Variants in RPS17 observed in about 807,000 individuals in gnomAD.
The protein encoded by RPS17 is small ribosomal subunit protein eS17.
For synonymous variants in RPS17, 75 were observed against 65.6 expected (o/e 1.14, Z -0.70); for missense variants, 68 against 182.3 (o/e 0.37, Z 3.61).
chr15:82,536,967 C>T, intron 4 of RPS17, 86 bp from the exon 5 acceptor site: 1 of 1,531,700 alleles, frequency 6.5e-7, no homozygotes, highest in South Asian at 1.1e-5. Flanking sequence ...CCTAGAGCCA[C>T]AGCACTCTCA....
At chr15:82,539,227 T>TCCCCCCCCCC in intron 2 of RPS17, 35 of 605,676 alleles carry the variant, frequency 5.8e-5, no homozygotes, top group South Asian at 1.2e-4. Flanking sequence ...CACCCCCAAC[T>TCCCCCCCCCC]CGCCCCGCCC....
Position 82,538,391 on chromosome 15 carries a change from G to A in RPS17, c.262-20C>T, listed in dbSNP as rs2034277388. On this transcript the variant is annotated intron_variant, in intron 3 of 4. Coordinates refer to ENST00000647841, the MANE Select transcript of RPS17 (RefSeq NM_001021.6). ...TGAGACCTACAAGGAAACGAGGTAG[G>A]GTCAAAATACCAATCAATGAGATTA... 3 of 1,611,436 alleles carry A rather than the reference G, an allele frequency of 1.9e-6. No homozygotes were observed. The highest frequency in any genetic ancestry group is 2.5e-6 in the Non-Finnish European group (3 of 1,179,470).
rs763087945 is a variant in RPS17, at chr15:82,540,442, T to C, written c.-14A>G. 5.3e-5 allele frequency: 85 copies of C among 1,592,546 alleles called. No homozygotes were observed. The highest frequency in any genetic ancestry group is 6.8e-5 in the Non-Finnish European group (80 of 1,170,948). ...AACACCTACCATGTTGGCGGGTCCT[T>C]GGTAAAAGAGGAAACAGGAAGCACA... On this transcript the variant is annotated 5_prime_UTR_variant, in exon 1 of 5. Transcript: ENST00000647841.
At chr15:82,539,952 C>T in intron 2 of RPS17, 29 bp downstream of exon 2, 2 of 1,611,998 alleles carry the variant, frequency 1.2e-6, no homozygotes, top group Middle Eastern at 2.3e-4. Flanking sequence ...GATCGCGGAG[C>T]CCCGGAGGCC....
chr15:82,537,431 A>T (rs1256621512), intron 4 of RPS17: 1 of 268,154 alleles, frequency 3.7e-6, no homozygotes, highest in Non-Finnish European at 7.2e-6. Context: ...GCTATTACTA[A>T]TCTAATCAAC....
At chr15:82,539,781 A>T in intron 2 of RPS17, 200 bp downstream of exon 2, 1 of 919,918 alleles carries the variant, frequency 1.1e-6, no homozygotes, top group Non-Finnish European at 1.8e-6. Context: ...CCTTCGACCC[A>T]GGGTCACCGC....
chr15:82,538,455 T>A, intron 3 of RPS17, 84 bp from the exon 4 acceptor site: 1 of 1,462,232 alleles, frequency 6.8e-7, no homozygotes, highest in Non-Finnish European at 9.6e-7. Context: ...GGTTCTTAAA[T>A]ATGGGGAAGA....
In RPS17 at chr15:82,539,966, G is replaced by A. The variant is rs2034316714; in HGVS notation, c.155+15C>T. ...AGATCGCGGAGCCCCGGAGGCCGAG[G>A]AAGGCCCGACTCACCCTGCTATCTT... On this transcript the variant is annotated intron_variant, in intron 2 of 4. Transcript: ENST00000647841. 4 of 1,611,954 alleles carry A rather than the reference G, an allele frequency of 2.5e-6. No homozygotes were observed. The highest frequency in any genetic ancestry group is 2.2e-5 in the South Asian group (2 of 90,994).
intron 2 of RPS17, 99 bp from the exon 3 acceptor site, chr15:82,539,084 T>C (rs1399736225): frequency 8.2e-7 from 1 of 1,214,550 alleles, no homozygotes; most frequent in East Asian, 2.3e-5. Context: ...CTTTAGTTCT[T>C]TTCCACAGTG....
intron 2 of RPS17, chr15:82,539,737 C>T: frequency 1.5e-6 from 1 of 655,564 alleles, no homozygotes; most frequent in Non-Finnish European, 2.7e-6. Context: ...CTAAAAGCAA[C>T]GTAGCTTCAA....
Position 82,540,052 on chromosome 15 carries a change from G to T in RPS17, c.84C>A (p.Phe28Leu). 6.2e-7 allele frequency: 1 copy of T among 1,612,814 alleles called. No individual in the cohort carries two copies. ...CCTCGCACACGCGCTTGTTCGTGTG[G>T]AAGTCGTTGCCCAGGCGCGTGTAGT... The part of the protein sequence containing the change: ...EKYYTRLGND[F>L]HTNKRVCEEI... The change falls in exon 2 of 5, where the codon TTC (phenylalanine) becomes TTA (leucine). Residue 28 changes from phenylalanine to leucine, a missense_variant. By Grantham distance (22) the Phe-to-Leu change is conservative. Transcript: ENST00000647841.
intron 4 of RPS17, chr15:82,538,073 G>C (rs2034272346): frequency 1.7e-6 from 1 of 584,624 alleles, no homozygotes; most frequent in East Asian, 3.9e-5. Flanking sequence ...GCAGCCAAGA[G>C]AGAAAAGGTG....
intron 2 of RPS17, 50 bp downstream of exon 2, chr15:82,539,931 G>A (rs1404961257): frequency 2.5e-6 from 4 of 1,611,750 alleles, no homozygotes; most frequent in African/African-American, 2.7e-5. Context: ...GGGCGGCAGA[G>A]CACACAAACA....
At chr15:82,539,227 T>TCGCCCCGCCC in intron 2 of RPS17, 3 of 606,034 alleles carry the variant, frequency 5.0e-6, no homozygotes, top group African/African-American at 2.0e-5. Context: ...CACCCCCAAC[T>TCGCCCCGCCC]CGCCCCGCCC....
chr15:82,539,384 T>C, intron 2 of RPS17: 1 of 464,986 alleles, frequency 2.2e-6, no homozygotes, highest in Non-Finnish European at 4.3e-6. Context: ...AACTGTGAAG[T>C]AAGCATTAGA....
chr15:82,538,124 G>A (rs965876738), intron 4 of RPS17, 182 bp downstream of exon 4: 10 of 673,540 alleles, frequency 1.5e-5, no homozygotes, highest in East Asian at 3.0e-5. Context: ...ATCTTGTGGC[G>A]AACTAACTCA....
chr15:82,538,369 G>T lies in RPS17; in HGVS notation c.264C>A (p.Val88=). Residue 88 remains valine (V), a splice_region_variant and synonymous_variant, in exon 4 of 5, where the codon GTC becomes GTA. Coordinates refer to ENST00000647841, the MANE Select transcript of RPS17 (RefSeq NM_001021.6). Reference sequence around the variant, plus strand: ...CAATAATCTCCTGATCCAAGGCTGAGACCTACAAGGAAACGAGGTAGGGTC... The same window carrying T: ...CAATAATCTCCTGATCCAAGGCTGATACCTACAAGGAAACGAGGTAGGGTC... The part of the protein sequence containing the change: ...RERRDNYVPE[V]SALDQEIIEV... 1 of 1,612,286 alleles carries T rather than the reference G, an allele frequency of 6.2e-7. No individual in the cohort carries two copies. Among genetic ancestry groups the T allele is most frequent in the Non-Finnish European group, 8.5e-7 (1 of 1,179,790 alleles).
intron 2 of RPS17, chr15:82,539,599 C>T (rs2034306932): frequency 7.3e-6 from 3 of 413,670 alleles, no homozygotes; most frequent in South Asian, 5.7e-5. Flanking sequence ...TGAGGCATGA[C>T]AATCGCTTGA....
At chr15:82,539,225 A>ACCCCCCCCC in intron 2 of RPS17, 1 of 590,992 alleles carries the variant, frequency 1.7e-6, no homozygotes, top group African/African-American at 2.2e-5. Flanking sequence ...CCCACCCCCA[A>ACCCCCCCCC]CTCGCCCCGC....
Sources: gnomAD v4.1 joint callset for allele counts on GRCh38, gnomAD v4.1.1 for gene constraint, MANE v1.5 for transcripts, NCBI Gene and HGNC (gene_info 2026-07-23, HGNC 2026-07-21) for gene names.